PARD3: variants seen among roughly 807,000 people sequenced by gnomAD.
The protein encoded by PARD3 is par-3 family cell polarity regulator.
A neutral mutation model predicts 155.4 loss-of-function variants in PARD3; 75 were observed. That is an observed-to-expected ratio of 0.48 (90% confidence interval 0.40 to 0.58). The LOEUF is 0.58. PARD3 is among the 20% of genes least tolerant of loss of function. The probability of loss-of-function intolerance (pLI) is 0.00; values close to 1 mark genes in which losing one functional copy is unlikely to be tolerated. For synonymous variants in PARD3, 576 were observed against 610.5 expected (o/e 0.94, Z 0.83); for missense variants, 1,642 against 1,721.7 (o/e 0.95, Z 0.82).
chr10:34,656,133 T>C (rs556452057), intron 2 of PARD3, among the ~76,000 whole-genome samples: 48 of 152,288 alleles, frequency 3.2e-4, no homozygotes, highest in Admixed American at 1.2e-3. Context: ...TAAAATTCCC[T>C]GCCTTTGTTA....
chr10:34,728,257 T>C (rs1041355183), intron 1 of PARD3, among the ~76,000 whole-genome samples: 2 of 152,202 alleles, frequency 1.3e-5, no homozygotes, highest in Admixed American at 6.5e-5. Flanking sequence ...TTTGACAAAA[T>C]TATATACTGC....
At chr10:34,549,524 T>C (rs1398584963) in intron 2 of PARD3, among the ~76,000 whole-genome samples, 4 of 152,180 alleles carry the variant, frequency 2.6e-5, no homozygotes, top group African/African-American at 7.2e-5. Flanking sequence ...GCTGATTCCA[T>C]TGAGATTCTG....
At chr10:34,199,416 G>A (rs1951104000) in intron 22 of PARD3, among the ~76,000 whole-genome samples, 1 of 152,152 alleles carries the variant, frequency 6.6e-6, no homozygotes, top group Non-Finnish European at 1.5e-5. Flanking sequence ...CTCACACGTG[G>A]AGCTGGTGTG....
chr10:34,222,748 T>C (rs1034648145), intron 22 of PARD3, among the ~76,000 whole-genome samples: 2 of 152,238 alleles, frequency 1.3e-5, no homozygotes, highest in Non-Finnish European at 2.9e-5. Flanking sequence ...CTGCTGAATC[T>C]GCTACCTCAG....
chr10:34,345,643 T>C, intron 15 of PARD3: 1 of 985,424 alleles, frequency 1.0e-6, no homozygotes, highest in Non-Finnish European at 1.2e-6. Context: ...CTAATGTCTT[T>C]GGAACTATGG....
At chr10:34,467,081 A>G (rs917683571) in intron 4 of PARD3, among the ~76,000 whole-genome samples, 4 of 152,160 alleles carry the variant, frequency 2.6e-5, no homozygotes, top group African/African-American at 9.7e-5. Flanking sequence ...ATTGCTGAAT[A>G]TTTAACAATT....
intron 1 of PARD3, among the ~76,000 whole-genome samples, chr10:34,738,518 TACC>T (rs1222789627): frequency 2.6e-4 from 6 of 23,458 alleles, no homozygotes; most frequent in Non-Finnish European, 5.3e-4. Flanking sequence ...AGCACATCAC[TACC>T]TCATTAAAAT....
chr10:34,432,041 C>CA (rs142848273), intron 5 of PARD3, among the ~76,000 whole-genome samples: 5,319 of 21,488 alleles, frequency 0.25, 2,103 homozygotes, highest in Non-Finnish European at 0.4. Context: ...GACTCTGTCT[C>CA]AAAAAAAAAA....
At chr10:34,415,563 T>G (rs1845582424) in intron 5 of PARD3, among the ~76,000 whole-genome samples, 1 of 152,170 alleles carries the variant, frequency 6.6e-6, no homozygotes, top group South Asian at 2.1e-4. Flanking sequence ...ATCAATGAAT[T>G]TATAGCAAAC....
At chr10:34,670,037 TGAGA>T (rs2093580466) in intron 2 of PARD3, among the ~76,000 whole-genome samples, 2 of 152,358 alleles carry the variant, frequency 1.3e-5, no homozygotes, top group Admixed American at 1.3e-4. Context: ...TTAGCAGGGC[TGAGA>T]GATTCTTTAT....
At chr10:34,173,811 C>G (rs1949911317) in intron 22 of PARD3, among the ~76,000 whole-genome samples, 1 of 152,134 alleles carries the variant, frequency 6.6e-6, no homozygotes, top group Non-Finnish European at 1.5e-5. Flanking sequence ...CCTAATTTTC[C>G]ACATCAGAGC....
intron 22 of PARD3, among the ~76,000 whole-genome samples, chr10:34,211,942 C>T (rs957160882): frequency 1.3e-5 from 2 of 151,934 alleles, no homozygotes; most frequent in Admixed American, 6.6e-5. Flanking sequence ...ACTACACTTC[C>T]TTCTTTCCAT....
At chr10:34,590,801 T>C (rs1294169190) in intron 2 of PARD3, among the ~76,000 whole-genome samples, 1 of 152,212 alleles carries the variant, frequency 6.6e-6, no homozygotes, top group Non-Finnish European at 1.5e-5. Context: ...ATGGAAATCC[T>C]GATTCTTTAA....
intron 1 of PARD3, among the ~76,000 whole-genome samples, chr10:34,696,911 T>C (rs1482469852): frequency 6.6e-6 from 1 of 151,854 alleles, no homozygotes; most frequent in East Asian, 1.9e-4. Flanking sequence ...GGTCTAAAGA[T>C]AGGGACACAG....
intron 24 of PARD3, 23 bp downstream of exon 24, chr10:34,119,590 G>A (rs1305715827): frequency 6.3e-7 from 1 of 1,579,894 alleles, no homozygotes; most frequent in Non-Finnish European, 8.7e-7. Context: ...GGGATCTGGA[G>A]GCTCGGCCAA....
At chr10:34,226,768 C>A (rs887071939) in intron 22 of PARD3, among the ~76,000 whole-genome samples, 7 of 152,166 alleles carry the variant, frequency 4.6e-5, no homozygotes, top group African/African-American at 1.7e-4. Context: ...AAGTTCATAA[C>A]AGCATGATTC....
chr10:34,160,535 G>T (rs1949223470), intron 22 of PARD3, among the ~76,000 whole-genome samples: 1 of 152,326 alleles, frequency 6.6e-6, no homozygotes, highest in East Asian at 1.9e-4. Flanking sequence ...TCTGAAATTA[G>T]ATCTAACACA....
intron 5 of PARD3, among the ~76,000 whole-genome samples, chr10:34,417,450 C>A (rs1419345084): frequency 6.6e-6 from 1 of 152,140 alleles, no homozygotes; most frequent in Non-Finnish European, 1.5e-5. Flanking sequence ...ATTATATCCC[C>A]TTCACCTATG....
chr10:34,484,093 C>T (rs966149525), intron 3 of PARD3, among the ~76,000 whole-genome samples: 7 of 152,202 alleles, frequency 4.6e-5, no homozygotes, highest in East Asian at 1.9e-4. Flanking sequence ...GCAAAAAGCA[C>T]GAAAAACATG....
Sources: allele counts gnomAD v4.1 joint callset (sites outside exome capture counted in the v4.1 genomes callset), GRCh38; gene constraint gnomAD v4.1.1; transcripts MANE v1.5; gene names NCBI Gene and HGNC (gene_info 2026-07-23, HGNC 2026-07-21).